The following UVRAG variants were observed in gnomAD, a reference collection of about 807,000 sequenced individuals.
The protein encoded by UVRAG is UV radiation resistance-associated gene protein.
A neutral mutation model predicts 78.0 loss-of-function variants in UVRAG; 19 were observed. The ratio of observed to expected loss-of-function variants is 0.24; its 90% CI spans 0.17 to 0.36. The LOEUF (loss-of-function observed/expected upper bound fraction) is 0.36, where lower values mean the gene tolerates loss of function less well. UVRAG is among the 10% of genes least tolerant of loss of function. The pLI, the probability that UVRAG is intolerant of heterozygous loss-of-function variation, is 1.00. For missense variants in UVRAG, 740 were observed against 853.8 expected, an observed-to-expected ratio of 0.87 and a Z score of 1.66; for synonymous variants, 323 against 324.6, an observed-to-expected ratio of 1.00 and a Z score of 0.05.
intron 13 of UVRAG, among the ~76,000 whole-genome samples, chr11:76,113,787 A>T (rs1952126294): frequency 6.6e-6 from 1 of 152,032 alleles, no homozygotes; most frequent in Admixed American, 6.6e-5. Context: ...TTATAAGAGG[A>T]AGAAGGTTGG....
At chr11:75,959,886 A>G (rs1280446801) in intron 6 of UVRAG, among the ~76,000 whole-genome samples, 1 of 152,200 alleles carries the variant, frequency 6.6e-6, no homozygotes, top group Non-Finnish European at 1.5e-5. Context: ...GTTGTGTCTC[A>G]GGGAATATGG....
chr11:75,989,745 C>T lies in UVRAG; in HGVS notation c.826+6232C>T, dbSNP rs117142610. Among the ~76,000 whole-genome samples the T allele has an allele frequency of 3.4e-3, 516 of 152,316 alleles. 1 individual carries two copies. The highest frequency in any genetic ancestry group is 5.1e-3 in the Non-Finnish European group (350 of 68,026). Reference sequence around the variant, plus strand: ...AAATGAAAGTTTCCTGCTCCTTCTTCTGTGTCCCCATAGTGTTTTGATGTC... The same window carrying T: ...AAATGAAAGTTTCCTGCTCCTTCTTTTGTGTCCCCATAGTGTTTTGATGTC... On this transcript the variant is annotated intron_variant, in intron 8 of 14. Transcript: ENST00000356136.
chr11:76,004,393 G>A (rs554857070), intron 9 of UVRAG, among the ~76,000 whole-genome samples: 1 of 151,738 alleles, frequency 6.6e-6, no homozygotes, highest in East Asian at 1.9e-4. Flanking sequence ...TTCTACATGC[G>A]GTTTAGCTTA....
At chr11:75,942,870 C>T (rs1948513302) in intron 6 of UVRAG, among the ~76,000 whole-genome samples, 1 of 151,970 alleles carries the variant, frequency 6.6e-6, no homozygotes, top group African/African-American at 2.4e-5. Context: ...CCTTTGTATC[C>T]TTAGTTTATG....
intron 8 of UVRAG, among the ~76,000 whole-genome samples, chr11:75,991,049 A>G (rs1412628211): frequency 1.3e-5 from 2 of 152,226 alleles, no homozygotes; most frequent in Non-Finnish European, 2.9e-5. Flanking sequence ...GAAAAAGTGT[A>G]TGTTGTTTGG....
chr11:75,930,936 T>C (rs568709434), intron 6 of UVRAG: 2 of 131,762 alleles, frequency 1.5e-5, no homozygotes, highest in African/African-American at 6.3e-5. Flanking sequence ...ATTTTCTTTC[T>C]TTCTTTCTTT....
chr11:76,104,467 A>G (rs747869424), intron 13 of UVRAG, among the ~76,000 whole-genome samples: 19 of 152,206 alleles, frequency 1.2e-4, no homozygotes, highest in African/African-American at 4.6e-4. Flanking sequence ...ATGAAATAAT[A>G]TAACATAAAA....
intron 13 of UVRAG, among the ~76,000 whole-genome samples, chr11:76,103,983 C>T (rs924273424): frequency 6.6e-6 from 1 of 151,926 alleles, no homozygotes; most frequent in Non-Finnish European, 1.5e-5. Flanking sequence ...TGAGGGTCTC[C>T]TTTATGATTA....
At chr11:75,931,399 C>T (rs566325415) in intron 6 of UVRAG, among the ~76,000 whole-genome samples, 61 of 152,156 alleles carry the variant, frequency 4.0e-4, no homozygotes, top group African/African-American at 1.4e-3. Context: ...CTGTTGGGAA[C>T]ACAGGGAAAA....
chr11:76,025,455 G>A (rs1253237136), intron 12 of UVRAG, among the ~76,000 whole-genome samples: 2 of 152,066 alleles, frequency 1.3e-5, no homozygotes, highest in African/African-American at 4.8e-5. Flanking sequence ...TTATTCTCAG[G>A]AGGAGAAACA....
At chr11:75,830,016 T>C (rs1565334840) in intron 1 of UVRAG, among the ~76,000 whole-genome samples, 1 of 150,228 alleles carries the variant, frequency 6.7e-6, no homozygotes, top group African/African-American at 2.5e-5. Context: ...AGTTTTGTAT[T>C]TTTATTAGAG....
At chr11:76,014,438 A>G (rs1950110793) in intron 11 of UVRAG, among the ~76,000 whole-genome samples, 1 of 152,210 alleles carries the variant, frequency 6.6e-6, no homozygotes, top group Non-Finnish European at 1.5e-5. Context: ...TTAGCATAGT[A>G]TTATCTGTCT....
At chr11:75,994,851 G>A (rs1429122880) in intron 8 of UVRAG, among the ~76,000 whole-genome samples, 2 of 152,174 alleles carry the variant, frequency 1.3e-5, no homozygotes, top group Non-Finnish European at 2.9e-5. Flanking sequence ...AGAGAACTTT[G>A]TTTTGCTTTG....
chr11:76,056,543 T>A (rs537600548), intron 12 of UVRAG, among the ~76,000 whole-genome samples: 2 of 152,358 alleles, frequency 1.3e-5, no homozygotes, highest in South Asian at 4.1e-4. Context: ...TCTTTATTTT[T>A]CCTTGCATTT....
In UVRAG at chr11:75,852,628, T is replaced by G. The variant is rs193017511; in HGVS notation, c.235+628T>G. Among the ~76,000 whole-genome samples, 323 of 152,290 alleles carry G rather than the reference T, an allele frequency of 2.1e-3. 2 individuals are homozygous for G. Among genetic ancestry groups the G allele is most frequent in the Middle Eastern group, 0.01 (3 of 292 alleles). On this transcript the variant is annotated intron_variant, in intron 2 of 14. Transcript: ENST00000356136. Reference sequence around the variant, plus strand: ...AAATGATAGGAATGTTGGATTATGATGGAAAATACTTCCGTACTAGTTCTA... The same window carrying G: ...AAATGATAGGAATGTTGGATTATGAGGGAAAATACTTCCGTACTAGTTCTA...
chr11:76,099,551 T>C (rs1951844221), intron 13 of UVRAG, among the ~76,000 whole-genome samples: 4 of 152,144 alleles, frequency 2.6e-5, no homozygotes, highest in Admixed American at 1.3e-4. Flanking sequence ...AATGTATAGG[T>C]TAGTTTGTAG....
At chr11:76,104,739 T>A (rs76707306) in intron 13 of UVRAG, among the ~76,000 whole-genome samples, 3,063 of 152,344 alleles carry the variant, frequency 0.02, 42 homozygotes, top group Non-Finnish European at 0.034. Context: ...TTAAGTAATT[T>A]CTTCTAATGA....
At chr11:75,879,785 T>A in intron 3 of UVRAG, 94 bp from the exon 4 acceptor site, 5 of 1,519,418 alleles carry the variant, frequency 3.3e-6, no homozygotes, top group Non-Finnish European at 4.5e-6. Flanking sequence ...TATGAGGTCT[T>A]TTGGTTTTGA....
chr11:75,854,766 A>G (rs1453576055), intron 2 of UVRAG, among the ~76,000 whole-genome samples: 1 of 152,192 alleles, frequency 6.6e-6, no homozygotes, highest in African/African-American at 2.4e-5. Context: ...CAGTCTTACT[A>G]TGTGTCCAGA....
Sources: gnomAD v4.1 joint callset for allele counts (sites outside exome capture counted in the v4.1 genomes callset) on GRCh38, gnomAD v4.1.1 for gene constraint, MANE v1.5 for transcripts, NCBI Gene and HGNC (gene_info 2026-07-23, HGNC 2026-07-21) for gene names.